Variants in ACOT9 observed in about 807,000 individuals in gnomAD.
ACOT9 encodes acyl-coenzyme A thioesterase 9, mitochondrial.
In ACOT9, 34 loss-of-function variants were observed where a neutral mutation model predicts 39.7. The ratio of observed to expected loss-of-function variants is 0.86; its 90% CI spans 0.65 to 1.14. The LOEUF is 1.14. Ranked by LOEUF, ACOT9 falls within the 50% of genes most tolerant of loss-of-function variation. The pLI, the probability that ACOT9 is intolerant of heterozygous loss-of-function variation, is 0.00. For synonymous variants in ACOT9, 110 were observed against 120.5 expected (o/e 0.91, Z 0.57); for missense variants, 313 against 344.1 (o/e 0.91, Z 0.71).
rs1317833315 is a variant in ACOT9 at position 23,722,725 on chromosome X, G to A, written c.429C>T (p.Ile143=). 1.7e-6 allele frequency: 2 copies of A among 1,202,024 alleles called. No individual in the cohort carries two copies. Among genetic ancestry groups the A allele is most frequent in the African/African-American group, 3.5e-5 (2 of 56,968 alleles). ...ATAAAGGAGACATCTTGGCGGAGTGGATTTTGTTGTGCATGTAACAAATAA... is the reference window on the plus strand; with the variant it reads ...ATAAAGGAGACATCTTGGCGGAGTGAATTTTGTTGTGCATGTAACAAATAA... The part of the protein sequence containing the change: ...GVLICYMHNK[I]HSAKMSPLSI... The change falls in exon 7 of 16, where the codon ATC becomes ATT. Residue 143 remains isoleucine, a synonymous_variant. Transcript: ENST00000379303.
At chrX:23,743,054 G>C in intron 1 of ACOT9, 71 bp downstream of exon 1, 6 of 1,082,922 alleles carry the variant, frequency 5.5e-6, no homozygotes, top group Non-Finnish European at 7.3e-6. Flanking sequence ...GGGCCAGCCC[G>C]AAGCTCTAGG....
In ACOT9 at chrX:23,730,979, C is replaced by A. The variant is rs1719742384; in HGVS notation, c.199G>T (p.Val67Leu). The change falls in exon 5 of 16, where the codon GTG becomes TTG. Residue 67 changes from valine (V) to leucine (L), a missense_variant. Coordinates refer to ENST00000379303, the MANE Select transcript of ACOT9 (RefSeq NM_001037171.2). ...VGASTNWRDH[V>L]KAMEERKLLH... ...AATTTCCTTTCTTCCATTGCCTTCACATGGTCTCTGAGAAGAAAGGATGCA... is the reference window on the plus strand; with the variant it reads ...AATTTCCTTTCTTCCATTGCCTTCAAATGGTCTCTGAGAAGAAAGGATGCA... 7 of 1,207,471 alleles carry A rather than the reference C, an allele frequency of 5.8e-6. No individual in the cohort carries two copies. Among genetic ancestry groups the A allele is most frequent in the Non-Finnish European group, 5.6e-6 (5 of 893,333 alleles).
rs943317597 is a variant in ACOT9 at position 23,731,605 on chromosome X, G to C, written c.192-619C>G. 2.8e-5 allele frequency among the ~76,000 whole-genome samples: 3 copies of C among 108,219 alleles called. No individual in the cohort carries two copies. The Admixed American group carries it at 3.0e-4, about 11-fold the overall frequency. The allele number at this position is 108,219 out of a possible 115,157, so 94.0% of individuals were successfully genotyped here. On this transcript the variant is annotated intron_variant, in intron 4 of 15. Coordinates refer to ENST00000379303, the MANE Select transcript of ACOT9 (RefSeq NM_001037171.2). The stretch of plus-strand genomic sequence containing the variant: ...ATTAAATTAAAAATTTAGAGAGATG[G>C]ACAAAATAGTATATATATATACATA...
Position 23,735,948 on chromosome X carries a change from T to C in ACOT9, c.89A>G (p.Lys30Arg). 1 of 1,211,175 alleles carries C rather than the reference T, an allele frequency of 8.3e-7. No homozygotes were observed. The highest frequency in any genetic ancestry group is 1.1e-6 in the Non-Finnish European group (1 of 895,214). ...ATGAATGTGGAAGATTCCCTGTTTC[T>C]TGGGGTTCTGGGGTCCTTGAGTCAG... ...RGLTQGPQNP[K>R]KQGIFHIHEA... The change falls in exon 2 of 16, where the codon AAG becomes AGG. Residue 30 changes from lysine to arginine, a missense_variant. Physicochemically the swap from Lys to Arg is conservative, Grantham distance 26. Transcript: ENST00000379303.
intron 8 of ACOT9, among the ~76,000 whole-genome samples, chrX:23,719,923 G>A (rs1472783434): frequency 5.5e-5 from 6 of 108,151 alleles, no homozygotes; most frequent in East Asian, 2.9e-4. Context: ...TGCAAGCTCC[G>A]CCTCCTGGGT....
At chrX:23,738,528 C>T (rs1349142446) in intron 1 of ACOT9, among the ~76,000 whole-genome samples, 4 of 110,435 alleles carry the variant, frequency 3.6e-5, no homozygotes, top group Non-Finnish European at 5.7e-5. Flanking sequence ...ATCACTTGAA[C>T]CCAGGAGGCA....
Position 23,703,011 on chromosome X carries a change from T to C in ACOT9, c.*883A>G, listed in dbSNP as rs1057277542. On this transcript the variant is annotated 3_prime_UTR_variant, in exon 16 of 16. Coordinates refer to ENST00000379303, the MANE Select transcript of ACOT9 (RefSeq NM_001037171.2). ...GAAAGAATGACCAAATGGTCCTGTATTTCCTTATCTAGATCATCTCTAAAC... is the reference window on the plus strand; with the variant it reads ...GAAAGAATGACCAAATGGTCCTGTACTTCCTTATCTAGATCATCTCTAAAC... 8.9e-6 allele frequency: 1 copy of C among 112,520 alleles called. No individual in the cohort carries two copies. Among genetic ancestry groups the C allele is most frequent in the African/African-American group, 3.2e-5 (1 of 30,997 alleles). 9.3% of individuals were successfully genotyped at this position (112,520 alleles called of 1,213,427 possible).
rs1363140150 is a variant in ACOT9, at chrX:23,722,678, T to C, written c.476A>G (p.Asp159Gly). Residue 159 changes from aspartate (D) to glycine (G), a missense_variant, in exon 7 of 16, where the codon GAT becomes GGT. Asp to Gly is a moderately conservative substitution (Grantham distance 94). Coordinates refer to ENST00000379303, the MANE Select transcript of ACOT9 (RefSeq NM_001037171.2). ...SPLSIVTALV[D>G]KIDMCKKSLS... ...AAAATGATATCACTTACCAATCTTA[T>C]CCACCAGGGCTGTAACTATCGATAA... The C allele has an allele frequency of 8.5e-7, 1 of 1,175,337 alleles. No individual in the cohort carries two copies. Among genetic ancestry groups the C allele is most frequent in the Admixed American group, 2.3e-5 (1 of 43,773 alleles).
intron 9 of ACOT9, among the ~76,000 whole-genome samples, chrX:23,711,044 C>T (rs192846519): frequency 1.8e-5 from 2 of 110,538 alleles, no homozygotes; most frequent in Admixed American, 9.7e-5. Context: ...ACGGGCTGGG[C>T]GAAATGACTC....
chrX:23,722,840 G>A, intron 6 of ACOT9, 87 bp from the exon 7 acceptor site: 1 of 560,136 alleles, frequency 1.8e-6, no homozygotes, highest in African/African-American at 2.3e-5. Flanking sequence ...TCCATGAAAA[G>A]CCTTGTCTCG....
intron 2 of ACOT9, among the ~76,000 whole-genome samples, chrX:23,735,608 G>C (rs915001631): frequency 4.5e-5 from 5 of 111,015 alleles, no homozygotes; most frequent in African/African-American, 1.6e-4. Flanking sequence ...GTGTTTACTT[G>C]ATACAACTAA....
intron 8 of ACOT9, among the ~76,000 whole-genome samples, chrX:23,715,198 C>T (rs963235907): frequency 3.0e-4 from 33 of 111,661 alleles, no homozygotes; most frequent in Non-Finnish European, 5.1e-4. Flanking sequence ...ACAGAGCCCA[C>T]GATTGCTCCC....
intron 1 of ACOT9, among the ~76,000 whole-genome samples, chrX:23,742,487 T>G (rs1601827405): frequency 9.0e-6 from 1 of 110,642 alleles, no homozygotes. Context: ...GCCTTAACTG[T>G]GCCAGCTGGG....
chrX:23,724,386 G>C (rs776501377), intron 6 of ACOT9, among the ~76,000 whole-genome samples: 1 of 112,037 alleles, frequency 8.9e-6, no homozygotes, highest in East Asian at 2.8e-4. Flanking sequence ...TGTAATCCTA[G>C]GGCTTTGCAA....
intron 8 of ACOT9, 84 bp downstream of exon 8, chrX:23,721,797 A>G: frequency 3.9e-6 from 3 of 776,532 alleles, no homozygotes; most frequent in Middle Eastern, 6.0e-4. Context: ...ACCTGTCTAC[A>G]GATACATAGG....
intron 8 of ACOT9, among the ~76,000 whole-genome samples, chrX:23,720,468 G>C (rs907268406): frequency 9.0e-6 from 1 of 111,377 alleles, no homozygotes; most frequent in Non-Finnish European, 1.9e-5. Flanking sequence ...AATCCAGTAT[G>C]ATTAGCAGCA....
intron 1 of ACOT9, among the ~76,000 whole-genome samples, chrX:23,739,598 T>C (rs995959341): frequency 1.8e-5 from 2 of 111,001 alleles, no homozygotes; most frequent in Non-Finnish European, 3.8e-5. Context: ...TTGAGACCAG[T>C]GTGGGCAACA....
intron 9 of ACOT9, among the ~76,000 whole-genome samples, chrX:23,709,883 T>C (rs1235006218): frequency 8.9e-6 from 1 of 112,171 alleles, no homozygotes; most frequent in Non-Finnish European, 1.9e-5. Flanking sequence ...AATGACCATA[T>C]AAACTCATGA....
chrX:23,725,180 A>G (rs5970602), intron 6 of ACOT9, among the ~76,000 whole-genome samples: 36,067 of 110,035 alleles, frequency 0.33, 4,674 homozygotes, highest in African/African-American at 0.47. Flanking sequence ...CTTAAAAATG[A>G]TAAAGATGAG....
Sources: allele counts gnomAD v4.1 joint callset (sites outside exome capture counted in the v4.1 genomes callset), GRCh38; gene constraint gnomAD v4.1.1; transcripts MANE v1.5; gene names NCBI Gene and HGNC (gene_info 2026-07-23, HGNC 2026-07-21).